The following LDLRAD4 variants were observed in gnomAD, a reference collection of about 807,000 sequenced individuals.
LDLRAD4 encodes low-density lipoprotein receptor class A domain-containing protein 4.
LDLRAD4 carries 5 observed loss-of-function variants against 17.0 expected under a neutral mutation model. The ratio of observed to expected loss-of-function variants is 0.29; its 90% CI spans 0.15 to 0.62. The LOEUF (loss-of-function observed/expected upper bound fraction) is 0.62, where lower values mean the gene tolerates loss of function less well. Ranked by LOEUF, LDLRAD4 falls within the 20% of genes least tolerant of loss-of-function variation. The pLI is 0.84. For synonymous variants in LDLRAD4, 168 were observed against 171.8 expected (o/e 0.98, Z 0.17); for missense variants, 340 against 424.7 (o/e 0.80, Z 1.75).
intron 3 of LDLRAD4, among the ~76,000 whole-genome samples, chr18:13,445,857 G>T (rs188985297): frequency 3.6e-4 from 55 of 152,172 alleles, no homozygotes; most frequent in Admixed American, 3.4e-3. Flanking sequence ...GTGCATGTGT[G>T]CATGAGTGTG....
intron 3 of LDLRAD4, among the ~76,000 whole-genome samples, chr18:13,577,752 A>G (rs1019217103): frequency 1.3e-5 from 2 of 152,210 alleles, no homozygotes; most frequent in African/African-American, 4.8e-5. Flanking sequence ...TGCTGTAGGC[A>G]AATTCTAATG....
chr18:13,305,116 AAGTT>A (rs2046833768), intron 1 of LDLRAD4, among the ~76,000 whole-genome samples: 1 of 152,182 alleles, frequency 6.6e-6, no homozygotes, highest in Non-Finnish European at 1.5e-5. Context: ...AATTAAGACA[AAGTT>A]AGGCATGTCA....
At chr18:13,436,558 G>C (rs747768834) in intron 2 of LDLRAD4, among the ~76,000 whole-genome samples, 4 of 152,094 alleles carry the variant, frequency 2.6e-5, no homozygotes, top group Non-Finnish European at 5.9e-5. Context: ...ACCTGTTTTC[G>C]GTTAATGCGC....
intron 1 of LDLRAD4, among the ~76,000 whole-genome samples, chr18:13,267,692 G>C (rs2044298485): frequency 6.6e-6 from 1 of 152,192 alleles, no homozygotes; most frequent in African/African-American, 2.4e-5. Flanking sequence ...TTTTCTGGAA[G>C]GTTTCAGCCA....
chr18:13,418,805 C>T (rs185450010), intron 2 of LDLRAD4, among the ~76,000 whole-genome samples: 1 of 152,136 alleles, frequency 6.6e-6, no homozygotes, highest in Non-Finnish European at 1.5e-5. Context: ...AAGCATTGCT[C>T]CAGAGAATAG....
chr18:13,514,631 G>C (rs1337476893), intron 3 of LDLRAD4: 4 of 152,210 alleles, frequency 2.6e-5, no homozygotes, highest in African/African-American at 9.7e-5. Flanking sequence ...TTCCATATTT[G>C]TGTCTATGTG....
At chr18:13,462,607 G>A (rs965245239) in intron 3 of LDLRAD4, among the ~76,000 whole-genome samples, 2 of 152,150 alleles carry the variant, frequency 1.3e-5, no homozygotes, top group African/African-American at 4.8e-5. Context: ...TACAGAATTA[G>A]CATTTATCTT....
At chr18:13,511,770 C>T (rs764727276) in intron 3 of LDLRAD4, among the ~76,000 whole-genome samples, 1 of 152,188 alleles carries the variant, frequency 6.6e-6, no homozygotes, top group Non-Finnish European at 1.5e-5. Flanking sequence ...CTCCCTCGGG[C>T]GTGCTGGGCC....
chr18:13,599,408 A>G (rs1405199690), intron 3 of LDLRAD4, among the ~76,000 whole-genome samples: 1 of 152,138 alleles, frequency 6.6e-6, no homozygotes, highest in Non-Finnish European at 1.5e-5. Context: ...ACTCTTTTAC[A>G]TAATTTCAGC....
chr18:13,427,047 G>A lies in LDLRAD4; in HGVS notation c.41-11197G>A, dbSNP rs113748554. ...AAAATACAAAAAAAATGAGCCAGGCGTGGTGGTGCACACCTGTAGTCCCAG... is the reference window on the plus strand; with the variant it reads ...AAAATACAAAAAAAATGAGCCAGGCATGGTGGTGCACACCTGTAGTCCCAG... On this transcript the variant is annotated intron_variant, in intron 2 of 5. Transcript: ENST00000359446. 2.4e-3 allele frequency among the ~76,000 whole-genome samples: 366 copies of A among 152,212 alleles called. 1 individual carries two copies. Among genetic ancestry groups the A allele is most frequent in the African/African-American group, 8.5e-3 (351 of 41,510 alleles).
At chr18:13,274,287 G>C (rs994253108), upstream of LDLRAD4, among the ~76,000 whole-genome samples, 7 of 152,226 alleles carry the variant, frequency 4.6e-5, no homozygotes, top group African/African-American at 1.7e-4. Context: ...CATCAGGTCT[G>C]TCTTTGTGCT....
intron 3 of LDLRAD4, among the ~76,000 whole-genome samples, chr18:13,559,673 T>C (rs1568339357): frequency 6.6e-6 from 1 of 152,364 alleles, no homozygotes; most frequent in East Asian, 1.9e-4. Context: ...ACATGTAAGC[T>C]ATTTGTTATT....
At chr18:13,277,860 G>A (rs371384139), upstream of LDLRAD4, among the ~76,000 whole-genome samples, 47 of 152,156 alleles carry the variant, frequency 3.1e-4, no homozygotes, top group Non-Finnish European at 2.2e-4. Context: ...ATGAGGACTC[G>A]GTGCCCCTGT....
At chr18:13,591,458 G>A (rs957314269) in intron 3 of LDLRAD4, among the ~76,000 whole-genome samples, 1 of 152,012 alleles carries the variant, frequency 6.6e-6, no homozygotes, top group East Asian at 1.9e-4. Flanking sequence ...GTCTCTGTGT[G>A]TGTGTGTCTG....
chr18:13,650,947 T>G (rs1450861924), exon 6 of LDLRAD4: 1 of 152,282 alleles, frequency 6.6e-6, no homozygotes, highest in African/African-American at 2.4e-5. Context: ...GTTGCATCTT[T>G]GCTGTGAAAA....
chr18:13,631,718 A>G (rs2041675117), intron 4 of LDLRAD4, among the ~76,000 whole-genome samples: 1 of 152,180 alleles, frequency 6.6e-6, no homozygotes, highest in South Asian at 2.1e-4. Context: ...ACTTGAGGTC[A>G]GGAGTTCGAG....
intron 2 of LDLRAD4, among the ~76,000 whole-genome samples, chr18:13,429,223 T>C (rs1403468566): frequency 1.3e-5 from 2 of 152,182 alleles, no homozygotes; most frequent in Non-Finnish European, 2.9e-5. Context: ...CATGGGGGTC[T>C]CCAGGGACCT....
chr18:13,503,829 AAAT>A (rs1269645941), intron 3 of LDLRAD4, among the ~76,000 whole-genome samples: 1 of 152,150 alleles, frequency 6.6e-6, no homozygotes, highest in East Asian at 1.9e-4. Context: ...GACTCAAAAG[AAAT>A]AATTATGAGA....
At chr18:13,537,152 A>C (rs2094211780) in intron 3 of LDLRAD4, among the ~76,000 whole-genome samples, 1 of 152,192 alleles carries the variant, frequency 6.6e-6, no homozygotes. Flanking sequence ...GAATAGAGAA[A>C]TTGTCCTGTT....
Sources: gnomAD v4.1 joint callset for allele counts (sites outside exome capture counted in the v4.1 genomes callset) on GRCh38, gnomAD v4.1.1 for gene constraint, MANE v1.5 for transcripts, NCBI Gene and HGNC (gene_info 2026-07-23, HGNC 2026-07-21) for gene names.